Variants in GK5 observed in about 807,000 individuals in gnomAD.
GK5 encodes the protein ATP:glycerol 3-phosphotransferase 5.
Under a neutral mutation model 77.3 loss-of-function variants are expected in GK5, and 39 were observed. The ratio of observed to expected loss-of-function variants is 0.50; its 90% CI spans 0.39 to 0.66. The LOEUF (loss-of-function observed/expected upper bound fraction) is 0.66. GK5 is among the 30% of genes least tolerant of loss of function. The pLI is 0.00. For missense variants in GK5, 487 were observed against 633.8 expected (o/e 0.77, Z 2.49); for synonymous variants, 211 against 208.0 (o/e 1.01, Z -0.13).
At chr3:142,189,064 T>C (rs1297584859) in intron 5 of GK5, among the ~76,000 whole-genome samples, 3 of 152,196 alleles carry the variant, frequency 2.0e-5, no homozygotes, top group Non-Finnish European at 4.4e-5. Flanking sequence ...TAACTCAGTC[T>C]GTAGCATTCT....
intron 9 of GK5, chr3:142,185,301 T>A: frequency 3.2e-6 from 1 of 314,948 alleles, no homozygotes; most frequent in Non-Finnish European, 4.6e-6. Context: ...TGGTCTTGGC[T>A]ACTTGGGAGG....
intron 14 of GK5, among the ~76,000 whole-genome samples, chr3:142,171,188 G>A (rs1260523447): frequency 6.6e-6 from 1 of 152,012 alleles, no homozygotes; most frequent in Non-Finnish European, 1.5e-5. Context: ...CCGAGATCAT[G>A]CCACTGCACT....
chr3:142,176,936 T>C (rs1009904342), intron 12 of GK5, among the ~76,000 whole-genome samples: 4 of 152,076 alleles, frequency 2.6e-5, no homozygotes, highest in Non-Finnish European at 5.9e-5. Context: ...GCTGGGATTA[T>C]AGGCGTGAGC....
rs971662465 is a variant in GK5 at position 142,202,963 on chromosome 3, G to C, written c.411+1732C>G. On this transcript the variant is annotated intron_variant, in intron 4 of 15. Coordinates refer to ENST00000392993, the MANE Select transcript of GK5 (RefSeq NM_001039547.3). The stretch of plus-strand genomic sequence containing the variant: ...GATTTGAAATATGAGACATATTACA[G>C]AAGTAAATGTTTTCAAATCACAATT... 2.6e-5 allele frequency among the ~76,000 whole-genome samples: 4 copies of C among 152,114 alleles called. No homozygotes were observed. The East Asian group carries it at 7.7e-4, about 29-fold the overall frequency.
Position 142,163,433 on chromosome 3 carries a change from T to G in GK5, c.*2189A>C. The G allele has an allele frequency of 6.6e-6, 1 of 151,758 alleles. No individual in the cohort carries two copies. Among genetic ancestry groups the G allele is most frequent in the Admixed American group, 6.6e-5 (1 of 15,216 alleles). The allele number at this position is 151,758 out of a possible 1,614,324, so 9.4% of individuals were successfully genotyped here. On this transcript the variant is annotated 3_prime_UTR_variant, in exon 16 of 16. Transcript: ENST00000392993. Reference sequence around the variant, plus strand: ...GGGATTACAGGCTTGCACCACCACATCCAGCTAATTTTTGTATTTTTAGTG... The same window carrying G: ...GGGATTACAGGCTTGCACCACCACAGCCAGCTAATTTTTGTATTTTTAGTG...
At position 142,177,855 on chromosome 3, in the gene GK5, T is replaced by G. The variant is rs547292798; in HGVS notation, c.1049-279A>C. ...GTATGCAGCAGGACTTACGTTTTTTTTCTTTTTTTTTTTTTTTTTTGAGAC... is the reference window on the plus strand; with the variant it reads ...GTATGCAGCAGGACTTACGTTTTTTGTCTTTTTTTTTTTTTTTTTTGAGAC... On this transcript the variant is annotated intron_variant, in intron 11 of 15. Coordinates refer to ENST00000392993, the MANE Select transcript of GK5 (RefSeq NM_001039547.3). 4.0e-4 allele frequency among the ~76,000 whole-genome samples: 59 copies of G among 148,290 alleles called. 3 individuals are homozygous for G. In the South Asian group the frequency reaches 0.012, roughly 30 times the overall value.
chr3:142,214,201 T>C (rs2064239402), intron 2 of GK5, among the ~76,000 whole-genome samples: 1 of 152,230 alleles, frequency 6.6e-6, no homozygotes, highest in South Asian at 2.1e-4. Context: ...ATTCAAAGTA[T>C]GTCAGATTTA....
intron 1 of GK5, among the ~76,000 whole-genome samples, chr3:142,224,171 G>A (rs1158068312): frequency 6.6e-6 from 1 of 152,124 alleles, no homozygotes; most frequent in South Asian, 2.1e-4. Flanking sequence ...TAGGGAGGCC[G>A]AGGCGGGTGA....
At chr3:142,195,207 T>C (rs750501471) in intron 5 of GK5, among the ~76,000 whole-genome samples, 1 of 152,228 alleles carries the variant, frequency 6.6e-6, no homozygotes, top group Non-Finnish European at 1.5e-5. Flanking sequence ...TTATAAAAGA[T>C]CCATATTAAT....
At chr3:142,212,839 T>C (rs1235129846) in intron 3 of GK5, among the ~76,000 whole-genome samples, 1 of 148,238 alleles carries the variant, frequency 6.7e-6, no homozygotes, top group Admixed American at 6.7e-5. Context: ...CTTTTTTTTT[T>C]CTTTTTTTTT....
chr3:142,211,908 C>T (rs2064192908), intron 3 of GK5, among the ~76,000 whole-genome samples: 2 of 152,162 alleles, frequency 1.3e-5, no homozygotes, highest in Admixed American at 1.3e-4. Flanking sequence ...CGTCCAAAAC[C>T]AAACATTTTA....
In GK5 at chr3:142,201,504, G is replaced by GGA. The variant is rs1166514197; in HGVS notation, c.412-2573_412-2572dup. The stretch of plus-strand genomic sequence containing the variant: ...ATGAGAGAGGGTAGGGAGGTGTATA[G>GGA]GAGAGTGGTAGATATAGTTACAGAA... On this transcript the variant is annotated intron_variant, in intron 4 of 15. Coordinates refer to ENST00000392993, the MANE Select transcript of GK5 (RefSeq NM_001039547.3). 2.0e-5 allele frequency among the ~76,000 whole-genome samples: 3 copies of GGA among 152,308 alleles called. No homozygotes were observed. In the East Asian group the frequency reaches 5.8e-4, roughly 29 times the overall value.
rs550255259 is a variant in GK5, at chr3:142,192,335, T to A, written c.544-4556A>T. On this transcript the variant is annotated intron_variant, in intron 5 of 15. Coordinates refer to ENST00000392993, the MANE Select transcript of GK5 (RefSeq NM_001039547.3). ...CAAAACTAAATGCAGTCTTACCATA[T>A]GATCCAACAATCATACACCTATTTA... Among the ~76,000 whole-genome samples, 12 of 152,350 alleles carry A rather than the reference T, an allele frequency of 7.9e-5. No homozygotes were observed. In the South Asian group the frequency reaches 2.5e-3, roughly 32 times the overall value.
At chr3:142,165,889 C>G (rs559074001) in intron 15 of GK5, 119 bp from the exon 16 acceptor site, 2 of 605,922 alleles carry the variant, frequency 3.3e-6, no homozygotes, top group Admixed American at 3.6e-5. Context: ...TTAAAACAAT[C>G]CAAAATACTT....
At chr3:142,204,281 G>A (rs1283915693) in intron 4 of GK5, 3 of 246,092 alleles carry the variant, frequency 1.2e-5, no homozygotes, top group Non-Finnish European at 1.6e-5. Context: ...GCCTTCCAAA[G>A]TGTTGAGATT....
chr3:142,182,394 G>C (rs953711028), intron 10 of GK5, among the ~76,000 whole-genome samples: 2 of 151,854 alleles, frequency 1.3e-5, no homozygotes, highest in Non-Finnish European at 2.9e-5. Flanking sequence ...ACCCAGGCTG[G>C]AGTGCAGTGG....
chr3:142,181,161 T>C (rs2063692339), intron 11 of GK5, among the ~76,000 whole-genome samples: 1 of 152,196 alleles, frequency 6.6e-6, no homozygotes, highest in African/African-American at 2.4e-5. Flanking sequence ...TTTTCTGACA[T>C]ATGCTACAAA....
At position 142,169,669 on chromosome 3, in the gene GK5, C is replaced by CTT. The variant is rs71304258; in HGVS notation, c.1441+654_1441+655dup. 3.3e-3 allele frequency among the ~76,000 whole-genome samples: 384 copies of CTT among 116,898 alleles called. 6 individuals are homozygous for CTT. The highest frequency in any genetic ancestry group is 6.8e-3 in the African/African-American group (201 of 29,648). 76.7% of individuals were successfully genotyped at this position (116,898 alleles called of 152,430 possible). On this transcript the variant is annotated intron_variant, in intron 15 of 15. Coordinates refer to ENST00000392993, the MANE Select transcript of GK5 (RefSeq NM_001039547.3). ...CCAGAATAAAGCCCACCTTACTGTTCTTTTTTTTTTTTTTTTTTTTGAGAC... is the reference window on the plus strand; with the variant it reads ...CCAGAATAAAGCCCACCTTACTGTTCTTTTTTTTTTTTTTTTTTTTTTGAGAC...
Position 142,165,561 on chromosome 3 carries a change from T to C in GK5, c.*61A>G. The C allele has an allele frequency of 1.5e-6, 2 of 1,293,588 alleles. No individual in the cohort carries two copies. The highest frequency in any genetic ancestry group is 1.6e-5 in the South Asian group (1 of 63,024). 80.1% of individuals were successfully genotyped at this position (1,293,588 alleles called of 1,614,324 possible). The stretch of plus-strand genomic sequence containing the variant: ...ATTGTCATATGGGTTATCCCTGAGC[T>C]TCATCTCATCTGCACGTCACATAAA... On this transcript the variant is annotated 3_prime_UTR_variant, in exon 16 of 16. Transcript: ENST00000392993.
Sources: allele counts gnomAD v4.1 joint callset (sites outside exome capture counted in the v4.1 genomes callset), GRCh38; gene constraint gnomAD v4.1.1; transcripts MANE v1.5; gene names NCBI Gene and HGNC (gene_info 2026-07-23, HGNC 2026-07-21).